The following TESK2 variants were observed in gnomAD, a reference collection of about 807,000 sequenced individuals.
TESK2 encodes the protein testis associated actin remodelling kinase 2, also known as dual specificity testis-specific protein kinase 2.
In TESK2, 39 loss-of-function variants were observed where a neutral mutation model predicts 57.1. The observed-to-expected ratio is 0.68, with a 90% confidence interval of 0.53 to 0.89. The LOEUF (loss-of-function observed/expected upper bound fraction) is 0.89. TESK2 is among the 40% of genes least tolerant of loss of function. TESK2 has a pLI of 0.00. For synonymous variants in TESK2, 249 were observed against 267.9 expected (o/e 0.93, Z 0.69); for missense variants, 646 against 732.1 (o/e 0.88, Z 1.36).
At chr1:45,441,063 T>C (rs952604557) in intron 2 of TESK2, among the ~76,000 whole-genome samples, 1 of 152,250 alleles carries the variant, frequency 6.6e-6, no homozygotes, top group Non-Finnish European at 1.5e-5. Flanking sequence ...AGTAATCCAG[T>C]TGAGTCAGAC....
chr1:45,481,375 TAAGC>T (rs1239671397), intron 1 of TESK2, among the ~76,000 whole-genome samples: 4 of 151,334 alleles, frequency 2.6e-5, no homozygotes, highest in African/African-American at 9.7e-5. Flanking sequence ...AAAAAAAAAA[TAAGC>T]AAGATTGGGG....
chr1:45,449,084 G>A (rs964215592), intron 2 of TESK2, among the ~76,000 whole-genome samples: 1 of 152,040 alleles, frequency 6.6e-6, no homozygotes, highest in South Asian at 2.1e-4. Flanking sequence ...TTAGCTGGGC[G>A]TGGTAGTGGA....
Position 45,427,000 on chromosome 1 carries a change from T to C in TESK2, c.223-5154A>G, listed in dbSNP as rs186799559. On this transcript the variant is annotated intron_variant, in intron 2 of 10. Coordinates refer to ENST00000372086, the MANE Select transcript of TESK2 (RefSeq NM_007170.3). ...GCTCACGCCTGTAATCCTAGCACTT[T>C]TGAGAGGCCGAGGTGGAGGATTACC... Among the ~76,000 whole-genome samples, 156 of 152,190 alleles carry C rather than the reference T, an allele frequency of 1.0e-3. 1 individual carries two copies. The East Asian group carries it at 0.027, about 27-fold the overall frequency.
At chr1:45,485,400 G>T (rs1307103394) in intron 1 of TESK2, among the ~76,000 whole-genome samples, 1 of 152,072 alleles carries the variant, frequency 6.6e-6, no homozygotes, top group Non-Finnish European at 1.5e-5. Context: ...TGTTAGTCAG[G>T]ATGGTCTAGA....
chr1:45,384,604 T>TTTTTTTTTTA (rs1648809433), intron 4 of TESK2, among the ~76,000 whole-genome samples: 2 of 68,326 alleles, frequency 2.9e-5, no homozygotes, highest in African/African-American at 1.1e-4. Context: ...TTTTTTTTTT[T>TTTTTTTTTTA]TTTTTTTTTT....
At chr1:45,452,116 T>A (rs1651899119) in intron 2 of TESK2, among the ~76,000 whole-genome samples, 1 of 151,980 alleles carries the variant, frequency 6.6e-6, no homozygotes, top group South Asian at 2.1e-4. Flanking sequence ...GGGCAAACTC[T>A]TTTGAAAATA....
intron 3 of TESK2, among the ~76,000 whole-genome samples, chr1:45,404,535 A>AT (rs1406406916): frequency 2.0e-5 from 3 of 151,618 alleles, no homozygotes; most frequent in Admixed American, 1.3e-4. Context: ...GTATATTTCT[A>AT]TTTTATTTAA....
chr1:45,345,650 G>A (rs1647131149), intron 10 of TESK2, 92 bp from the exon 11 acceptor site: 1 of 1,217,834 alleles, frequency 8.2e-7, no homozygotes, highest in African/African-American at 1.5e-5. Context: ...TGAAAGCAAA[G>A]CTGATACCAT....
intron 3 of TESK2, among the ~76,000 whole-genome samples, chr1:45,412,399 G>A (rs1216931288): frequency 1.3e-5 from 2 of 152,210 alleles, no homozygotes; most frequent in African/African-American, 2.4e-5. Flanking sequence ...AAAATGGCTG[G>A]AATTTTTCAG....
At chr1:45,451,603 G>A (rs551935392) in intron 2 of TESK2, among the ~76,000 whole-genome samples, 186 of 152,164 alleles carry the variant, frequency 1.2e-3, no homozygotes, top group Non-Finnish European at 2.2e-3. Context: ...TCCTCAAAGC[G>A]CATGGACTGT....
chr1:45,376,720 G>T (rs1413322851), intron 4 of TESK2, among the ~76,000 whole-genome samples: 1 of 152,076 alleles, frequency 6.6e-6, no homozygotes, highest in Admixed American at 6.6e-5. Flanking sequence ...GGAGAGAAGA[G>T]AGATAAGGAC....
intron 2 of TESK2, among the ~76,000 whole-genome samples, chr1:45,435,964 T>G (rs1269114139): frequency 6.6e-6 from 1 of 151,864 alleles, no homozygotes; most frequent in Non-Finnish European, 1.5e-5. Context: ...ACACGTGGAT[T>G]TATTCTGTTC....
At chr1:45,455,006 G>T (rs1163291600) in intron 2 of TESK2, among the ~76,000 whole-genome samples, 1 of 152,090 alleles carries the variant, frequency 6.6e-6, no homozygotes, top group Non-Finnish European at 1.5e-5. Flanking sequence ...CCCCCACAGG[G>T]TTCACAAGAA....
At chr1:45,434,959 C>CTTTTTTTTTTTTTTTTTTTTTTT (rs60515365) in intron 2 of TESK2, among the ~76,000 whole-genome samples, 1 of 140,452 alleles carries the variant, frequency 7.1e-6, no homozygotes, top group Non-Finnish European at 1.5e-5. Context: ...ACTTTTCTTT[C>CTTTTTTTTTTTTTTTTTTTTTTT]TTTTTTTTTT....
intron 2 of TESK2, among the ~76,000 whole-genome samples, chr1:45,451,933 T>C (rs1393705973): frequency 6.7e-6 from 1 of 149,912 alleles, no homozygotes; most frequent in Non-Finnish European, 1.5e-5. Flanking sequence ...CTCAGAAGGC[T>C]GAAGCAGGAG....
chr1:45,396,649 T>G (rs1283086384), intron 3 of TESK2, among the ~76,000 whole-genome samples: 1 of 150,362 alleles, frequency 6.7e-6, no homozygotes, highest in Non-Finnish European at 1.5e-5. Context: ...CCACCATGCC[T>G]GGCTAATTTT....
At chr1:45,428,680 T>C (rs934210087) in intron 2 of TESK2, among the ~76,000 whole-genome samples, 1 of 151,842 alleles carries the variant, frequency 6.6e-6, no homozygotes, top group African/African-American at 2.4e-5. Flanking sequence ...TTTTTATATA[T>C]TTTTTTAGAG....
intron 3 of TESK2, among the ~76,000 whole-genome samples, chr1:45,393,392 C>G (rs1203262963): frequency 6.6e-6 from 1 of 152,200 alleles, no homozygotes; most frequent in African/African-American, 2.4e-5. Flanking sequence ...AAAACCACCA[C>G]CACATCCAAA....
At chr1:45,394,985 C>T (rs1557556035) in intron 3 of TESK2, among the ~76,000 whole-genome samples, 1 of 151,930 alleles carries the variant, frequency 6.6e-6, no homozygotes, top group Non-Finnish European at 1.5e-5. Context: ...CCACTGCACC[C>T]GGCCCCAACA....
Sources: gnomAD v4.1 joint callset for allele counts (sites outside exome capture counted in the v4.1 genomes callset) on GRCh38, gnomAD v4.1.1 for gene constraint, MANE v1.5 for transcripts, NCBI Gene and HGNC (gene_info 2026-07-23, HGNC 2026-07-21) for gene names.